Variants in CDC42SE2 observed in about 807,000 individuals in gnomAD.
CDC42SE2 encodes CDC42 small effector 2.
Under a neutral mutation model 11.5 loss-of-function variants are expected in CDC42SE2, and 3 were observed. The ratio of observed to expected loss-of-function variants is 0.26; its 90% CI spans 0.12 to 0.67. The LOEUF is 0.67. Ranked by LOEUF, CDC42SE2 falls within the 30% of genes least tolerant of loss-of-function variation. The pLI, the probability that CDC42SE2 is intolerant of heterozygous loss-of-function variation, is 0.80. For synonymous variants in CDC42SE2, 33 were observed against 34.8 expected (o/e 0.95, Z 0.18); for missense variants, 82 against 106.8 (o/e 0.77, Z 1.02).
intron 2 of CDC42SE2, among the ~76,000 whole-genome samples, chr5:131,358,369 A>C (rs1030601586): frequency 6.6e-6 from 1 of 152,162 alleles, no homozygotes; most frequent in African/African-American, 2.4e-5. Context: ...GATTGATGTC[A>C]TCTTGACTTC....
intron 3 of CDC42SE2, among the ~76,000 whole-genome samples, chr5:131,382,027 T>C (rs1750342458): frequency 6.6e-6 from 1 of 152,212 alleles, no homozygotes. Flanking sequence ...TTCTTTCATA[T>C]CTCACAAACT....
intron 2 of CDC42SE2, among the ~76,000 whole-genome samples, chr5:131,318,060 C>T (rs930104919): frequency 5.3e-5 from 8 of 152,070 alleles, no homozygotes; most frequent in Non-Finnish European, 1.2e-4. Flanking sequence ...CCTGTCTCAG[C>T]CTCCCAAGTA....
intron 1 of CDC42SE2, among the ~76,000 whole-genome samples, chr5:131,248,714 A>G (rs1756616136): frequency 6.6e-6 from 1 of 152,222 alleles, no homozygotes; most frequent in Non-Finnish European, 1.5e-5. Flanking sequence ...CAGTAATATC[A>G]GAGAATATCA....
In CDC42SE2 at chr5:131,267,585, C is replaced by A. The variant is rs540833867; in HGVS notation, c.-455+3419C>A. On this transcript the variant is annotated intron_variant, in intron 1 of 4. Transcript: ENST00000505065. ...TTTTAGAATGATTTAGAAAGCATTTCTTTTTCCTCAGATGTGATTAATAAA... is the reference window on the plus strand; with the variant it reads ...TTTTAGAATGATTTAGAAAGCATTTATTTTTCCTCAGATGTGATTAATAAA... Among the ~76,000 whole-genome samples the A allele has an allele frequency of 4.6e-5, 7 of 152,182 alleles. No individual in the cohort carries two copies. The South Asian group carries it at 1.5e-3, about 32-fold the overall frequency.
chr5:131,273,851 C>T (rs968875557), intron 1 of CDC42SE2, among the ~76,000 whole-genome samples: 1 of 151,830 alleles, frequency 6.6e-6, no homozygotes, highest in Non-Finnish European at 1.5e-5. Context: ...GATCTTAGCT[C>T]ACTGTGGCCT....
At chr5:131,366,123 T>G (rs1446053255) in intron 3 of CDC42SE2, among the ~76,000 whole-genome samples, 17 of 152,196 alleles carry the variant, frequency 1.1e-4, no homozygotes, top group Admixed American at 1.1e-3. Flanking sequence ...TGGAACTACC[T>G]CCCCTGCCTT....
intron 1 of CDC42SE2, among the ~76,000 whole-genome samples, chr5:131,275,126 G>A (rs1757074444): frequency 6.6e-6 from 1 of 152,058 alleles, no homozygotes; most frequent in Non-Finnish European, 1.5e-5. Context: ...AAGGAAAGGA[G>A]ATAAACTGAT....
chr5:131,369,361 T>C (rs531175808), intron 3 of CDC42SE2, among the ~76,000 whole-genome samples: 1 of 152,264 alleles, frequency 6.6e-6, no homozygotes, highest in Non-Finnish European at 1.5e-5. Flanking sequence ...GCGACTATTA[T>C]GCACAATGCT....
upstream of CDC42SE2, among the ~76,000 whole-genome samples, chr5:131,244,671 A>C (rs1756565642): frequency 6.6e-6 from 1 of 152,176 alleles, no homozygotes; most frequent in African/African-American, 2.4e-5. Context: ...AGATCATGCC[A>C]CAGTACCGCA....
In CDC42SE2 at chr5:131,266,476, T is replaced by C. The variant is rs566858871; in HGVS notation, c.-455+2310T>C. Among the ~76,000 whole-genome samples, 1,408 of 149,320 alleles carry C rather than the reference T, an allele frequency of 9.4e-3. 20 individuals carry two copies. Among genetic ancestry groups the C allele is most frequent in the African/African-American group, 0.033 (1,318 of 39,936 alleles). ...TTTTTTTTTCTTTTTTTTTTTTTTT[T>C]CGAGACGAAGTCTCGCTCTGTCACC... On this transcript the variant is annotated intron_variant, in intron 1 of 4. Transcript: ENST00000505065.
At chr5:131,235,719 C>T in the CDC42SE2 span, among the ~76,000 whole-genome samples, 3 of 152,158 alleles carry the variant, frequency 2.0e-5, no homozygotes, top group Admixed American at 1.3e-4. Flanking sequence ...CTCAACCTCC[C>T]GAGTAGCTGG....
intron 1 of CDC42SE2, among the ~76,000 whole-genome samples, chr5:131,307,898 AC>A (rs1363746393): frequency 3.9e-5 from 6 of 152,130 alleles, no homozygotes; most frequent in Non-Finnish European, 8.8e-5. Flanking sequence ...TCCTTCGCCC[AC>A]TTTTTGATGG....
chr5:131,278,642 G>A (rs1437880783), intron 1 of CDC42SE2, among the ~76,000 whole-genome samples: 2 of 143,684 alleles, frequency 1.4e-5, no homozygotes, highest in Non-Finnish European at 3.0e-5. Flanking sequence ...ACTGGCAGTG[G>A]GACCATATGA....
At chr5:131,345,155 T>C (rs1452034192) in intron 2 of CDC42SE2, among the ~76,000 whole-genome samples, 3 of 151,724 alleles carry the variant, frequency 2.0e-5, no homozygotes, top group South Asian at 2.1e-4. Context: ...AGAATGACTT[T>C]GGCAAGTTGA....
intron 2 of CDC42SE2, among the ~76,000 whole-genome samples, chr5:131,322,374 A>C (rs1248827227): frequency 1.3e-5 from 2 of 152,120 alleles, no homozygotes; most frequent in Non-Finnish European, 2.9e-5. Flanking sequence ...TGATTCTATG[A>C]ATTTGACTAC....
intron 2 of CDC42SE2, among the ~76,000 whole-genome samples, chr5:131,332,128 C>G (rs1176654760): frequency 6.6e-6 from 1 of 152,168 alleles, no homozygotes; most frequent in Admixed American, 6.5e-5. Flanking sequence ...TCCCCCCACT[C>G]CACAACAGTC....
intron 1 of CDC42SE2, among the ~76,000 whole-genome samples, chr5:131,271,046 C>G (rs1306490032): frequency 1.3e-5 from 2 of 152,184 alleles, no homozygotes; most frequent in Admixed American, 6.5e-5. Context: ...CTGACTCTTT[C>G]TTCAGGAGTG....
intron 4 of CDC42SE2, among the ~76,000 whole-genome samples, chr5:131,389,923 G>T (rs1750597410): frequency 6.6e-6 from 1 of 152,128 alleles, no homozygotes. Flanking sequence ...TCTGCTTCCA[G>T]ACTGCTTCTA....
chr5:131,231,201 A>T, the CDC42SE2 span, among the ~76,000 whole-genome samples: 1 of 152,174 alleles, frequency 6.6e-6, no homozygotes, highest in Non-Finnish European at 1.5e-5. Context: ...TTGGCTTTTT[A>T]AAAATCTCCT....
Sources: allele counts gnomAD v4.1 joint callset (sites outside exome capture counted in the v4.1 genomes callset), GRCh38; gene constraint gnomAD v4.1.1; transcripts MANE v1.5; gene names NCBI Gene and HGNC (gene_info 2026-07-23, HGNC 2026-07-21).